The following SYNE2 variants were observed in gnomAD, a reference collection of about 807,000 sequenced individuals.
SYNE2 encodes the protein nesprin-2.
SYNE2 carries 431 observed loss-of-function variants against 856.3 expected under a neutral mutation model. The ratio of observed to expected loss-of-function variants is 0.50; its 90% CI spans 0.47 to 0.55. The LOEUF (loss-of-function observed/expected upper bound fraction) is 0.55. Ranked by LOEUF, SYNE2 falls within the 20% of genes least tolerant of loss-of-function variation. The pLI, the probability that SYNE2 is intolerant of heterozygous loss-of-function variation, is 0.00. For synonymous variants in SYNE2, 2,923 were observed against 2,872.3 expected (o/e 1.02, Z -0.56); for missense variants, 8,129 against 8,023.2 (o/e 1.01, Z -0.50).
intron 77 of SYNE2, among the ~76,000 whole-genome samples, chr14:64,132,765 A>C (rs193049088): frequency 2.0e-5 from 3 of 152,314 alleles, no homozygotes; most frequent in East Asian, 1.9e-4. Flanking sequence ...GTACTTCTTC[A>C]AGAGAACAGG....
intron 1 of SYNE2, among the ~76,000 whole-genome samples, chr14:63,869,982 T>C (rs981570886): frequency 6.6e-6 from 1 of 152,210 alleles, no homozygotes; most frequent in African/African-American, 2.4e-5. Flanking sequence ...ATCACTCACC[T>C]GAATTTCTGA....
intron 70 of SYNE2, among the ~76,000 whole-genome samples, chr14:64,123,412 T>C (rs2097913374): frequency 6.6e-6 from 1 of 152,248 alleles, no homozygotes; most frequent in South Asian, 2.1e-4. Flanking sequence ...GATTTCCCAA[T>C]TTCCCAGTCT....
chr14:64,146,309 T>C (rs1296912428), intron 84 of SYNE2, 86 bp downstream of exon 84: 10 of 1,254,332 alleles, frequency 8.0e-6, no homozygotes, highest in South Asian at 1.8e-5. Flanking sequence ...TTGCTGTAGT[T>C]TGTGGAAACT....
At chr14:63,930,533 C>CTTTTT (rs147797429) in intron 2 of SYNE2, among the ~76,000 whole-genome samples, 1 of 128,508 alleles carries the variant, frequency 7.8e-6, no homozygotes, top group Admixed American at 7.6e-5. Flanking sequence ...CATTATCCTT[C>CTTTTT]TTTTTTTTTT....
intron 100 of SYNE2, chr14:64,208,115 A>G (rs533793367): frequency 2.2e-6 from 1 of 456,066 alleles, no homozygotes; most frequent in African/African-American, 2.0e-5. Flanking sequence ...ATCATCATCA[A>G]AGGACAAGAC....
At chr14:63,889,046 CAAAAAAAAA>C (rs200729691) in intron 1 of SYNE2, among the ~76,000 whole-genome samples, 5 of 108,642 alleles carry the variant, frequency 4.6e-5, no homozygotes, top group African/African-American at 1.8e-4. Flanking sequence ...TACTAAAATA[CAAAAAAAAA>C]AAAAAAAAAA....
chr14:64,116,590 G>A (rs866942430), intron 66 of SYNE2, among the ~76,000 whole-genome samples: 18 of 152,182 alleles, frequency 1.2e-4, no homozygotes, highest in Admixed American at 9.8e-4. Flanking sequence ...GCTAATTTTT[G>A]TATTTTTAGT....
At chr14:64,214,049 T>C in intron 105 of SYNE2, 145 bp from the exon 106 acceptor site, 1 of 1,253,894 alleles carries the variant, frequency 8.0e-7, no homozygotes, top group South Asian at 1.5e-5. Context: ...AAACAGGACC[T>C]GGGAACCTGA....
intron 104 of SYNE2, 116 bp downstream of exon 104, chr14:64,212,214 AG>A: frequency 6.5e-7 from 1 of 1,544,256 alleles, no homozygotes; most frequent in Non-Finnish European, 8.8e-7. Context: ...TTCTTAAAGC[AG>A]CCAGGCTACA....
intron 100 of SYNE2, chr14:64,207,866 C>T (rs2098615620): frequency 4.0e-5 from 15 of 379,354 alleles, no homozygotes; most frequent in South Asian, 2.8e-4. Context: ...ATGCTGTGGT[C>T]TCATGTCACT....
intron 99 of SYNE2, among the ~76,000 whole-genome samples, chr14:64,200,449 G>T (rs1012966676): frequency 7.2e-5 from 11 of 152,184 alleles, no homozygotes; most frequent in Non-Finnish European, 1.5e-4. Flanking sequence ...GTCCCACAGT[G>T]CCAGGGGTTC....
At chr14:63,982,840 G>A (rs2096596851) in intron 17 of SYNE2, 46 bp downstream of exon 17, 6 of 1,580,916 alleles carry the variant, frequency 3.8e-6, no homozygotes, top group Non-Finnish European at 5.2e-6. Flanking sequence ...TATGATTCAT[G>A]TACCACACAA....
intron 60 of SYNE2, 106 bp downstream of exon 60, chr14:64,091,154 G>GATAATA: frequency 1.9e-6 from 2 of 1,056,112 alleles, no homozygotes; most frequent in Non-Finnish European, 2.8e-6. Context: ...ATTATTGTAG[G>GATAATA]AGGTGGCATT....
chr14:63,937,340 G>A (rs2095846368), intron 2 of SYNE2, among the ~76,000 whole-genome samples: 1 of 152,180 alleles, frequency 6.6e-6, no homozygotes, highest in South Asian at 2.1e-4. Flanking sequence ...TAACAGTATG[G>A]CTGTATACTC....
chr14:64,211,854 C>T lies in SYNE2; in HGVS notation c.18724-107C>T, dbSNP rs1035492802. On this transcript the variant is annotated intron_variant, in intron 103 of 115. Coordinates refer to ENST00000555002, the MANE Select transcript of SYNE2 (RefSeq NM_182914.3). Reference sequence around the variant, plus strand: ...GGGTACCCTAGAGGCAGATTTCTCCCTGAGTATTCTGGGTACCCTTTTCTT... The same window carrying T: ...GGGTACCCTAGAGGCAGATTTCTCCTTGAGTATTCTGGGTACCCTTTTCTT... 5 of 1,525,012 alleles carry T rather than the reference C, an allele frequency of 3.3e-6. No homozygotes were observed. In the African/African-American group the frequency reaches 5.5e-5, roughly 17 times the overall value. 94.5% of individuals were successfully genotyped at this position (1,525,012 alleles called of 1,614,324 possible).
Position 64,062,777 on chromosome 14 carries a change from G to C in SYNE2, c.10094G>C (p.Arg3365Thr). The change falls in exon 50 of 116, where the codon AGA (arginine) becomes ACA (threonine). Residue 3365 changes from arginine (R) to threonine (T), a missense_variant. By Grantham distance (71) the Arg-to-Thr change is moderately conservative (BLOSUM62 -1). Around this residue, in one of 3 missense-constraint regions of SYNE2, gnomAD observed 5,410 missense variants for 5,284.8 expected, o/e 1.02. Transcript: ENST00000555002. ...ERYLENYKCYRKMEEDIYTNL... is the reference protein window; with the variant it reads ...ERYLENYKCYTKMEEDIYTNL... The stretch of plus-strand genomic sequence containing the variant: ...TATCTTGAGAATTACAAATGCTATA[G>C]AAAAATGGAAGAGGATATTTACACT... The C allele has an allele frequency of 6.2e-7, 1 of 1,613,878 alleles. No individual in the cohort carries two copies.
Position 64,074,071 on chromosome 14 carries a change from C to G in SYNE2, c.10801C>G (p.Gln3601Glu). 1 of 1,614,180 alleles carries G rather than the reference C, an allele frequency of 6.2e-7. No homozygotes were observed. The highest frequency in any genetic ancestry group is 8.5e-7 in the Non-Finnish European group (1 of 1,180,008). Residue 3601 changes from glutamine to glutamate, a missense_variant, in exon 53 of 116, where the codon CAG becomes GAG. This residue lies in a region of SYNE2 where 5,410 missense variants were observed against 5,284.8 expected (regional missense o/e 1.02). Transcript: ENST00000555002. ...EIIALKNFFQ[Q>E]TTTSFQNMAF... is the part of the protein sequence containing the mutation. ...AATTGCTTTGAAGAATTTCTTTCAA[C>G]AGACCACAACTTCATTCCAAAATAT... is the stretch of plus-strand genomic sequence containing the variant.
At chr14:64,203,767 C>A (rs1296977054) in intron 100 of SYNE2, among the ~76,000 whole-genome samples, 3 of 152,188 alleles carry the variant, frequency 2.0e-5, no homozygotes, top group Non-Finnish European at 4.4e-5. Context: ...CAGTATGATT[C>A]TCAGACTTGA....
chr14:63,940,339 A>G (rs985730224), intron 2 of SYNE2, among the ~76,000 whole-genome samples: 6 of 152,128 alleles, frequency 3.9e-5, no homozygotes, highest in Admixed American at 2.6e-4. Flanking sequence ...ACAGGTGTGA[A>G]CCACAGCACC....
Sources: gnomAD v4.1 joint callset for allele counts (sites outside exome capture counted in the v4.1 genomes callset) on GRCh38, gnomAD v4.1.1 for gene constraint, gnomAD v4.1.1 regional missense constraint, MANE v1.5 for transcripts, NCBI Gene and HGNC (gene_info 2026-07-23, HGNC 2026-07-21) for gene names.